AKAP11: variants seen among roughly 807,000 people sequenced by gnomAD.
AKAP11 encodes A-kinase anchoring protein 11, also known as A-kinase anchor protein 11.
Under a neutral mutation model 146.1 loss-of-function variants are expected in AKAP11, and 36 were observed. That is an observed-to-expected ratio of 0.25 (90% CI 0.19 to 0.33). The LOEUF is 0.33. AKAP11 is among the 10% of genes least tolerant of loss of function. The pLI is 1.00. For synonymous variants in AKAP11, 780 were observed against 786.5 expected, an observed-to-expected ratio of 0.99 and a Z score of 0.14; for missense variants, 2,201 against 2,197.0, an observed-to-expected ratio of 1.00 and a Z score of -0.04.
rs116872440 is a variant in AKAP11, at chr13:42,312,029, A to C, written c.5274-1018A>C. Among the ~76,000 whole-genome samples the C allele has an allele frequency of 3.5e-3, 537 of 152,288 alleles. 1 individual carries two copies. Among genetic ancestry groups the C allele is most frequent in the Admixed American group, 5.4e-3 (82 of 15,294 alleles). On this transcript the variant is annotated intron_variant, in intron 9 of 12. Coordinates refer to ENST00000025301, the MANE Select transcript of AKAP11 (RefSeq NM_016248.4). ...ATCACCTTTTTTTGTTAACCATACC[A>C]ACATTTACTGATGTACATAAAATGA...
intron 8 of AKAP11, among the ~76,000 whole-genome samples, chr13:42,307,710 TAGG>T (rs1458704468): frequency 2.0e-5 from 3 of 151,728 alleles, no homozygotes. Flanking sequence ...GGGAGAACAG[TAGG>T]AGTTCAGATG....
At position 42,303,020 on chromosome 13, in the gene AKAP11, G is replaced by A; in HGVS notation, c.4274G>A (p.Arg1425Lys). ...CACCACCAAGAAGCAGACAAAAAGAGACAAAGTAAAAGAAATGAAGGTTAC... is the reference window on the plus strand; with the variant it reads ...CACCACCAAGAAGCAGACAAAAAGAAACAAAGTAAAAGAAATGAAGGTTAC... ...KEHHQEADKK[R>K]QSKRNEGYFC... Residue 1425 changes from arginine (R) to lysine (K), a missense_variant, in exon 8 of 13, where the codon AGA (arginine) becomes AAA (lysine). By Grantham distance (26) the Arg-to-Lys change is conservative. This residue lies in a region of AKAP11 where 1,867 missense variants were observed against 1,833.5 expected (regional missense o/e 1.02). Transcript: ENST00000025301. The A allele has an allele frequency of 6.2e-7, 1 of 1,613,008 alleles. No individual in the cohort carries two copies. The highest frequency in any genetic ancestry group is 1.3e-5 in the African/African-American group (1 of 74,842).
At chr13:42,316,911 T>C (rs1960848277) in intron 11 of AKAP11, among the ~76,000 whole-genome samples, 1 of 152,188 alleles carries the variant, frequency 6.6e-6, no homozygotes, top group Non-Finnish European at 1.5e-5. Context: ...TGGGACAAAG[T>C]CTTGCTCTGT....
intron 11 of AKAP11, among the ~76,000 whole-genome samples, chr13:42,314,306 G>A (rs977585605): frequency 1.4e-4 from 22 of 151,940 alleles, no homozygotes; most frequent in Admixed American, 1.3e-3. Flanking sequence ...TTAGCTGGGC[G>A]TGGTGGCGGG....
chr13:42,310,062 A>C (rs1362878836), intron 9 of AKAP11, among the ~76,000 whole-genome samples: 2 of 152,240 alleles, frequency 1.3e-5, no homozygotes, highest in Non-Finnish European at 2.9e-5. Flanking sequence ...AAAGAATCTC[A>C]TTAACAGAAC....
At chr13:42,312,132 G>C (rs2138685072) in intron 9 of AKAP11, among the ~76,000 whole-genome samples, 1 of 152,098 alleles carries the variant, frequency 6.6e-6, no homozygotes, top group South Asian at 2.1e-4. Context: ...CATAATATTG[G>C]GAAAAATCGC....
chr13:42,295,586 C>A, intron 4 of AKAP11, 109 bp from the exon 5 acceptor site: 1 of 981,710 alleles, frequency 1.0e-6, no homozygotes, highest in Non-Finnish European at 1.6e-6. Context: ...CCTTTTCAAG[C>A]AGACAGCATT....
chr13:42,304,962 G>A (rs1960175982), intron 8 of AKAP11, among the ~76,000 whole-genome samples: 1 of 152,092 alleles, frequency 6.6e-6, no homozygotes, highest in African/African-American at 2.4e-5. Flanking sequence ...AGTTGGCCAG[G>A]CTGGTCTTGA....
intron 3 of AKAP11, among the ~76,000 whole-genome samples, chr13:42,290,220 C>T (rs1455976292): frequency 6.6e-6 from 1 of 152,114 alleles, no homozygotes; most frequent in Non-Finnish European, 1.5e-5. Context: ...AGAGTCTAGG[C>T]CAGTTGTGTT....
intron 12 of AKAP11, 130 bp from the exon 13 acceptor site, chr13:42,318,958 T>TTATA (rs1427150701): frequency 8.8e-7 from 1 of 1,133,252 alleles, no homozygotes; most frequent in Non-Finnish European, 1.2e-6. Context: ...GAAGACCTTG[T>TTATA]TATAACTAGG....
chr13:42,283,213 T>C (rs960625410), intron 1 of AKAP11, among the ~76,000 whole-genome samples: 1 of 152,224 alleles, frequency 6.6e-6, no homozygotes, highest in African/African-American at 2.4e-5. Context: ...GAGACAGTAT[T>C]TTATTTATGT....
Position 42,291,454 on chromosome 13 carries a change from T to G in AKAP11, c.52-931T>G, listed in dbSNP as rs144660218. Among the ~76,000 whole-genome samples, 676 of 152,282 alleles carry G rather than the reference T, an allele frequency of 4.4e-3. 15 individuals carry two copies. In the East Asian group the frequency reaches 0.047, roughly 11 times the overall value. On this transcript the variant is annotated intron_variant, in intron 3 of 12. Transcript: ENST00000025301. ...TTTTAGTAAAGACGGGCTTTCGCTA[T>G]GTTGGCCAGGCTGGTCTCGAACTCC... is the stretch of plus-strand genomic sequence containing the variant.
intron 9 of AKAP11, among the ~76,000 whole-genome samples, chr13:42,311,635 TTTA>T (rs1005031037): frequency 1.3e-5 from 2 of 152,158 alleles, no homozygotes; most frequent in African/African-American, 4.8e-5. Flanking sequence ...GGTGATGGAT[TTTA>T]TTAAGTGGAA....
At chr13:42,279,491 C>T (rs1205997937) in intron 1 of AKAP11, among the ~76,000 whole-genome samples, 2 of 152,102 alleles carry the variant, frequency 1.3e-5, no homozygotes, top group African/African-American at 2.4e-5. Context: ...TAATTGTATC[C>T]AGTATGGTTT....
rs187914531 is a variant in AKAP11 at position 42,301,089 on chromosome 13, G to A, written c.2343G>A (p.Pro781=). 16 of 1,614,012 alleles carry A rather than the reference G, an allele frequency of 9.9e-6. No homozygotes were observed. The highest frequency in any genetic ancestry group is 9.3e-5 in the African/African-American group (7 of 75,016). Residue 781 remains proline, a synonymous_variant, in exon 8 of 13, where the codon CCG becomes CCA. Coordinates refer to ENST00000025301, the MANE Select transcript of AKAP11 (RefSeq NM_016248.4). Reference sequence around the variant, plus strand: ...CTTCTGGAATTGTTACTTCTATACCGGTGCCCTTGGCAGGAAGTGCCCTTC... The same window carrying A: ...CTTCTGGAATTGTTACTTCTATACCAGTGCCCTTGGCAGGAAGTGCCCTTC... ...FCTSGIVTSI[P]VPLAGSALLP...
chr13:42,293,508 T>A (rs1010467858), intron 4 of AKAP11, among the ~76,000 whole-genome samples: 8 of 152,218 alleles, frequency 5.3e-5, no homozygotes, highest in Non-Finnish European at 1.0e-4. Context: ...TCACTATTAT[T>A]TTCTTTGCTA....
At chr13:42,305,903 C>T (rs1960228889) in intron 8 of AKAP11, among the ~76,000 whole-genome samples, 1 of 152,154 alleles carries the variant, frequency 6.6e-6, no homozygotes, top group South Asian at 2.1e-4. Context: ...CTTCACAAGG[C>T]AGCAGGAGAG....
Position 42,301,458 on chromosome 13 carries a change from A to G in AKAP11, c.2712A>G (p.Thr904=), listed in dbSNP as rs759058412. 8.1e-6 allele frequency: 13 copies of G among 1,613,242 alleles called. No homozygotes were observed. The East Asian group carries it at 2.7e-4, about 33-fold the overall frequency. The change falls in exon 8 of 13, where the codon ACA becomes ACG. Residue 904 remains threonine (T), a synonymous_variant. Transcript: ENST00000025301. ...LEVTKMVDER[T]DYLTKSLKEK... is the part of the protein sequence containing the mutation. Reference sequence around the variant, plus strand: ...TTACAAAAATGGTTGATGAACGTACAGATTATTTAACTAAATCTTTAAAGG... The same window carrying G: ...TTACAAAAATGGTTGATGAACGTACGGATTATTTAACTAAATCTTTAAAGG...
rs148889638 is a variant in AKAP11 at position 42,283,651 on chromosome 13, A to G, written c.-99-2335A>G. On this transcript the variant is annotated intron_variant, in intron 1 of 12. Coordinates refer to ENST00000025301, the MANE Select transcript of AKAP11 (RefSeq NM_016248.4). ...GTGCTTGTTGCACCTGAGGGTGAGC[A>G]GCTCATTTAGATAGTTGGTCCCATT... 3.6e-3 allele frequency among the ~76,000 whole-genome samples: 555 copies of G among 152,284 alleles called. 10 individuals are homozygous for G. The East Asian group carries it at 0.046, about 13-fold the overall frequency.
Sources: allele counts gnomAD v4.1 joint callset (sites outside exome capture counted in the v4.1 genomes callset), GRCh38; gene constraint gnomAD v4.1.1; regional missense constraint gnomAD v4.1.1; transcripts MANE v1.5; gene names NCBI Gene and HGNC (gene_info 2026-07-23, HGNC 2026-07-21).